The following WDPCP variants were observed in gnomAD, a reference collection of about 807,000 sequenced individuals.
WDPCP encodes WD repeat-containing and planar cell polarity effector protein fritz homolog.
A neutral mutation model predicts 93.1 loss-of-function variants in WDPCP; 71 were observed. The observed-to-expected ratio is 0.76, with a 90% CI of 0.63 to 0.93. The LOEUF (loss-of-function observed/expected upper bound fraction) is 0.93. Among genes scored for constraint, WDPCP ranks in the 40% least tolerant of loss-of-function variants. The pLI, the probability that WDPCP is intolerant of heterozygous loss-of-function variation, is 0.00. For missense variants in WDPCP, 844 were observed against 887.4 expected, an observed-to-expected ratio of 0.95 and a Z score of 0.62; for synonymous variants, 315 against 315.0, an observed-to-expected ratio of 1.00 and a Z score of 0.00.
chr2:63,319,089 G>A (rs750938404), intron 12 of WDPCP, among the ~76,000 whole-genome samples: 2 of 152,112 alleles, frequency 1.3e-5, no homozygotes, highest in African/African-American at 2.4e-5. Flanking sequence ...AATTATGGAG[G>A]AAAAATAAGC....
chr2:63,837,559 G>T, the WDPCP span, among the ~76,000 whole-genome samples: 1 of 152,118 alleles, frequency 6.6e-6, no homozygotes, highest in Non-Finnish European at 1.5e-5. Flanking sequence ...GTAGAGGATA[G>T]GCAAGAAAAA....
chr2:63,536,505 A>G (rs1487629826), intron 1 of WDPCP, among the ~76,000 whole-genome samples: 2 of 152,204 alleles, frequency 1.3e-5, no homozygotes, highest in African/African-American at 4.8e-5. Flanking sequence ...TGTGGCACAT[A>G]TACACCATGG....
chr2:63,813,717 T>C (rs551211192), intron 1 of WDPCP: 1 of 152,290 alleles, frequency 6.6e-6, no homozygotes, highest in East Asian at 1.9e-4. Flanking sequence ...CCTAGAACAG[T>C]GTGTGGAATA....
At chr2:63,610,405 AAAG>A (rs1280604997) in intron 3 of WDPCP, among the ~76,000 whole-genome samples, 1 of 152,216 alleles carries the variant, frequency 6.6e-6, no homozygotes, top group Non-Finnish European at 1.5e-5. Flanking sequence ...AATAAAACAT[AAAG>A]AAGGAGTGGG....
intron 2 of WDPCP, among the ~76,000 whole-genome samples, chr2:63,804,313 C>T (rs1415629409): frequency 4.0e-5 from 6 of 151,128 alleles, no homozygotes; most frequent in African/African-American, 1.5e-4. Context: ...TGCAGTGGCA[C>T]CATCTCGGCT....
chr2:63,836,915 T>C, the WDPCP span, among the ~76,000 whole-genome samples: 1 of 152,232 alleles, frequency 6.6e-6, no homozygotes, highest in Non-Finnish European at 1.5e-5. Context: ...CCTAATGACT[T>C]TTAAAACCAC....
intron 2 of WDPCP, among the ~76,000 whole-genome samples, chr2:63,657,969 T>C (rs1433745570): frequency 6.6e-6 from 1 of 152,188 alleles, no homozygotes; most frequent in Non-Finnish European, 1.5e-5. Flanking sequence ...TCCATCAAAG[T>C]TGCCTTCCTA....
chr2:63,774,804 G>A (rs1365102969), intron 2 of WDPCP, among the ~76,000 whole-genome samples: 1 of 151,980 alleles, frequency 6.6e-6, no homozygotes, highest in African/African-American at 2.4e-5. Flanking sequence ...CTCAGAGCAG[G>A]CCCCTCATTT....
At chr2:63,290,999 G>T (rs541574783) in intron 13 of WDPCP, among the ~76,000 whole-genome samples, 81 of 152,170 alleles carry the variant, frequency 5.3e-4, no homozygotes, top group African/African-American at 1.9e-3. Context: ...CCAATTACAT[G>T]TATTTTAGAC....
At chr2:63,521,996 C>A (rs1014030152) in intron 1 of WDPCP, among the ~76,000 whole-genome samples, 1 of 152,010 alleles carries the variant, frequency 6.6e-6, no homozygotes, top group Non-Finnish European at 1.5e-5. Flanking sequence ...AACAAAGATA[C>A]AACATACCAA....
Position 63,158,973 on chromosome 2 carries a change from CAAAAAAAA to C in WDPCP, c.2079-5407_2079-5400del, listed in dbSNP as rs34001322. 5.3e-3 allele frequency among the ~76,000 whole-genome samples: 325 copies of C among 61,140 alleles called. 2 individuals are homozygous for C. The highest frequency in any genetic ancestry group is 9.5e-3 in the South Asian group (14 of 1,468). 40.1% of individuals were successfully genotyped at this position (61,140 alleles called of 152,430 possible). Reference sequence around the variant, plus strand: ...GTAACATGGTAAAACCTCATCTCTACAAAAAAAAAAAAAAAAAAAAAAAAAAGCAAAAA... The same window carrying C: ...GTAACATGGTAAAACCTCATCTCTACAAAAAAAAAAAAAAAAAAGCAAAAA... On this transcript the variant is annotated intron_variant, in intron 15 of 17. Transcript: ENST00000272321.
At position 63,152,964 on chromosome 2, in the gene WDPCP, A is replaced by G; in HGVS notation, c.2159-19T>C. 6.2e-7 allele frequency: 1 copy of G among 1,610,418 alleles called. No individual in the cohort carries two copies. Among genetic ancestry groups the G allele is most frequent in the Non-Finnish European group, 8.5e-7 (1 of 1,177,556 alleles). On this transcript the variant is annotated intron_variant, in intron 16 of 17. Transcript: ENST00000272321. Reference sequence around the variant, plus strand: ...TCTCCGTCTAAAGTAAAAGATTAAAACATTAATTATCTTAAAAGTCTAATA... The same window carrying G: ...TCTCCGTCTAAAGTAAAAGATTAAAGCATTAATTATCTTAAAAGTCTAATA...
chr2:63,663,101 T>C (rs1343485395), intron 2 of WDPCP, among the ~76,000 whole-genome samples: 1 of 152,218 alleles, frequency 6.6e-6, no homozygotes, highest in Non-Finnish European at 1.5e-5. Context: ...AACAATCTGT[T>C]GGCTGCTTTT....
intron 13 of WDPCP, among the ~76,000 whole-genome samples, chr2:63,281,079 C>T (rs1379542734): frequency 1.3e-5 from 2 of 152,060 alleles, no homozygotes; most frequent in Non-Finnish European, 2.9e-5. Context: ...ACAATCTATA[C>T]ATCTAACGAA....
chr2:63,751,772 T>C (rs1669886511), intron 2 of WDPCP: 1 of 614,180 alleles, frequency 1.6e-6, no homozygotes, highest in Non-Finnish European at 3.1e-6. Flanking sequence ...TGGCAAAGTA[T>C]TGGCCTCCAA....
At chr2:63,758,211 T>C (rs553692013) in intron 2 of WDPCP, among the ~76,000 whole-genome samples, 4 of 151,982 alleles carry the variant, frequency 2.6e-5, no homozygotes, top group South Asian at 4.2e-4. Context: ...CACCACTGAA[T>C]TGGAAAGAGT....
At chr2:63,483,341 T>C (rs1700380147) in intron 6 of WDPCP, among the ~76,000 whole-genome samples, 1 of 151,972 alleles carries the variant, frequency 6.6e-6, no homozygotes, top group Non-Finnish European at 1.5e-5. Flanking sequence ...AAATGTACTA[T>C]TATGCAAATA....
At chr2:63,532,918 T>C (rs1337622854) in intron 1 of WDPCP, among the ~76,000 whole-genome samples, 2 of 152,080 alleles carry the variant, frequency 1.3e-5, no homozygotes, top group Admixed American at 6.6e-5. Context: ...GACTGGCAAA[T>C]TGGATAAAAA....
chr2:63,276,500 A>G (rs1013500954), intron 13 of WDPCP, among the ~76,000 whole-genome samples: 1 of 152,300 alleles, frequency 6.6e-6, no homozygotes, highest in African/African-American at 2.4e-5. Context: ...GAAAAGAAAA[A>G]TCTTCACTGA....
Sources: allele counts gnomAD v4.1 joint callset (sites outside exome capture counted in the v4.1 genomes callset), GRCh38; gene constraint gnomAD v4.1.1; transcripts MANE v1.5; gene names NCBI Gene and HGNC (gene_info 2026-07-23, HGNC 2026-07-21).